ENTREP1: variants seen among roughly 807,000 people sequenced by gnomAD.
ENTREP1 encodes endosomal transmembrane epsin interactor 1.
chr9:69,340,721 G>C, the ENTREP1 span, among the ~76,000 whole-genome samples: 1 of 73,156 alleles, frequency 1.4e-5, no homozygotes, highest in Non-Finnish European at 2.9e-5. Flanking sequence ...GTGTGTGCAT[G>C]CATGTGTGTG....
the ENTREP1 span, chr9:69,329,777 T>TATTAACTAGATTCCACTGGGGTATGGGA: frequency 2.8e-6 from 1 of 361,316 alleles, no homozygotes; most frequent in Non-Finnish European, 3.8e-6. Context: ...GTGCGTTTAG[T>TATTAACTAGATTCCACTGGGGTATGGGA]GTTAACTAGA....
chr9:69,332,987 A>G, the ENTREP1 span, among the ~76,000 whole-genome samples: 15 of 152,226 alleles, frequency 9.9e-5, no homozygotes, highest in African/African-American at 3.6e-4. Flanking sequence ...AGTAAAATGA[A>G]TTAGAGCTGT....
At chr9:69,385,153 T>C in the ENTREP1 span, among the ~76,000 whole-genome samples, 1 of 152,284 alleles carries the variant, frequency 6.6e-6, no homozygotes, top group South Asian at 2.1e-4. Flanking sequence ...ACTCCTGACC[T>C]CAGGTGATCC....
the ENTREP1 span, among the ~76,000 whole-genome samples, chr9:69,326,329 C>G: frequency 6.6e-6 from 1 of 152,148 alleles, no homozygotes; most frequent in Non-Finnish European, 1.5e-5. Context: ...AAAGGAAGGC[C>G]TTAACCCCAC....
the ENTREP1 span, among the ~76,000 whole-genome samples, chr9:69,368,058 C>CAT: frequency 6.6e-6 from 1 of 150,958 alleles, no homozygotes; most frequent in Admixed American, 6.6e-5. Context: ...TATCCTGAGA[C>CAT]TACTGAATTT....
the ENTREP1 span, among the ~76,000 whole-genome samples, chr9:69,359,740 G>A: frequency 6.6e-6 from 1 of 152,208 alleles, no homozygotes. Flanking sequence ...AGGACTGAGA[G>A]TGGGACAGTG....
the ENTREP1 span, among the ~76,000 whole-genome samples, chr9:69,361,723 T>G: frequency 6.6e-6 from 1 of 152,184 alleles, no homozygotes; most frequent in Non-Finnish European, 1.5e-5. Flanking sequence ...TAGACTCTTG[T>G]CAGTATTATT....
At chr9:69,351,653 G>C in the ENTREP1 span, among the ~76,000 whole-genome samples, 6 of 152,236 alleles carry the variant, frequency 3.9e-5, no homozygotes, top group African/African-American at 1.4e-4. Context: ...CTGACCTCAA[G>C]TCATCCATCC....
At chr9:69,390,275 A>T in the ENTREP1 span, among the ~76,000 whole-genome samples, 16 of 152,382 alleles carry the variant, frequency 1.0e-4, 1 homozygote, top group Admixed American at 7.2e-4. Context: ...AGAATGGTAC[A>T]AATGAAACAA....
chr9:69,349,482 C>A, the ENTREP1 span, among the ~76,000 whole-genome samples: 3 of 152,078 alleles, frequency 2.0e-5, no homozygotes, highest in Non-Finnish European at 2.9e-5. Context: ...TGGGGTGTGA[C>A]GTGGCATCTC....
At chr9:69,348,031 C>A in the ENTREP1 span, among the ~76,000 whole-genome samples, 1 of 152,090 alleles carries the variant, frequency 6.6e-6, no homozygotes, top group Non-Finnish European at 1.5e-5. Flanking sequence ...TTATATTTTT[C>A]TGAGATGTTC....
chr9:69,332,862 A>G, the ENTREP1 span, among the ~76,000 whole-genome samples: 11 of 152,234 alleles, frequency 7.2e-5, no homozygotes, highest in Non-Finnish European at 1.6e-4. Context: ...ATAGATGTTT[A>G]CTGCAGCATT....
At chr9:69,375,655 A>G in the ENTREP1 span, 44 of 1,121,460 alleles carry the variant, frequency 3.9e-5, no homozygotes, top group South Asian at 1.3e-4. Flanking sequence ...ATCTCATTCT[A>G]CAGGATTGGT....
the ENTREP1 span, among the ~76,000 whole-genome samples, chr9:69,340,302 G>A: frequency 6.6e-6 from 1 of 152,082 alleles, no homozygotes. Context: ...TAGAACACAT[G>A]GATATTCCCT....
the ENTREP1 span, chr9:69,336,111 C>A: frequency 1.7e-6 from 1 of 575,564 alleles, no homozygotes; most frequent in Non-Finnish European, 2.9e-6. Context: ...ATTTAGAATG[C>A]TTTGAAATTT....
the ENTREP1 span, among the ~76,000 whole-genome samples, chr9:69,352,802 G>C: frequency 6.6e-6 from 1 of 152,124 alleles, no homozygotes; most frequent in South Asian, 2.1e-4. Context: ...TTTAGTGTGT[G>C]CTTGAGAGAA....
chr9:69,348,103 C>G, the ENTREP1 span, among the ~76,000 whole-genome samples: 28 of 152,174 alleles, frequency 1.8e-4, no homozygotes, highest in Middle Eastern at 3.4e-3. Context: ...CAGAGATCAT[C>G]TAGCTGCTGC....
At chr9:69,353,595 C>T in the ENTREP1 span, among the ~76,000 whole-genome samples, 73,673 of 152,024 alleles carry the variant, frequency 0.48, 18,066 homozygotes, top group South Asian at 0.53. Context: ...CTAGTGTCAT[C>T]TAATATTCAG....
chr9:69,341,509 C>T, the ENTREP1 span, among the ~76,000 whole-genome samples: 1 of 151,080 alleles, frequency 6.6e-6, no homozygotes, highest in South Asian at 2.1e-4. Flanking sequence ...TCTAAGAGTC[C>T]ATATAGGCTA....
Sources: gnomAD v4.1 joint callset for allele counts (sites outside exome capture counted in the v4.1 genomes callset) on GRCh38, gnomAD v4.1.1 for gene constraint, MANE v1.5 for transcripts, NCBI Gene and HGNC (gene_info 2026-07-23, HGNC 2026-07-21) for gene names.